PLAGL1: variants seen among roughly 807,000 people sequenced by gnomAD.
The protein encoded by PLAGL1 is PLAG1 like zinc finger 1.
A neutral mutation model predicts 4.6 loss-of-function variants in PLAGL1; 1 was observed. The observed-to-expected ratio is 0.22, with a 90% CI of 0.08 to 1.03. PLAGL1 has a LOEUF of 1.03. PLAGL1 is among the 50% of genes least tolerant of loss of function. PLAGL1 has a pLI of 0.58. For synonymous variants in PLAGL1, 240 were observed against 237.8 expected, an observed-to-expected ratio of 1.01 and a Z score of -0.08; for missense variants, 464 against 570.4, an observed-to-expected ratio of 0.81 and a Z score of 1.90.
At chr6:144,060,898 A>G (rs989499504) in intron 1 of PLAGL1, among the ~76,000 whole-genome samples, 1 of 152,242 alleles carries the variant, frequency 6.6e-6, no homozygotes, top group Non-Finnish European at 1.5e-5. Context: ...GCTAAACAAT[A>G]AAGCTGACTA....
intron 1 of PLAGL1, among the ~76,000 whole-genome samples, chr6:144,025,449 T>C (rs936285174): frequency 1.3e-5 from 2 of 152,230 alleles, no homozygotes; most frequent in Admixed American, 1.3e-4. Flanking sequence ...TCACTATTGG[T>C]TCATTAATTG....
At chr6:144,042,869 C>A (rs1797846219) in intron 1 of PLAGL1, among the ~76,000 whole-genome samples, 1 of 152,172 alleles carries the variant, frequency 6.6e-6, no homozygotes, top group Non-Finnish European at 1.5e-5. Flanking sequence ...GTTTATAGTT[C>A]TCCTTGAAGA....
At position 143,950,579 on chromosome 6, in the gene PLAGL1, A is replaced by T. The variant is rs117784574; in HGVS notation, c.-324-2119T>A. Among the ~76,000 whole-genome samples, 130 of 152,356 alleles carry T rather than the reference A, an allele frequency of 8.5e-4. 4 individuals are homozygous for T. In the East Asian group the frequency reaches 0.024, roughly 28 times the overall value. Reference sequence around the variant, plus strand: ...TAAAAAAGACTAACACACACAGAGTATGAAGTTTGAAAATGCATCTTTTTC... The same window carrying T: ...TAAAAAAGACTAACACACACAGAGTTTGAAGTTTGAAAATGCATCTTTTTC... On this transcript the variant is annotated intron_variant, in intron 6 of 7. Coordinates refer to ENST00000674357, the MANE Select transcript of PLAGL1 (RefSeq NM_001317162.2). The surrounding 1 kb of genome is among the most constrained non-coding windows in gnomAD (Gnocchi z 6.3).
At position 144,022,652 on chromosome 6, in the gene PLAGL1, G is replaced by T. The variant is rs1276120297; in HGVS notation, c.-151+41816C>A. 1.3e-5 allele frequency among the ~76,000 whole-genome samples: 2 copies of T among 152,158 alleles called. No individual in the cohort carries two copies. The highest frequency in any genetic ancestry group is 2.9e-5 in the Non-Finnish European group (2 of 68,026). Reference sequence around the variant, plus strand: ...TCACAATAGTGAATAAGTTTCACCAGATCTGATGGTTTTATGAAAGGGAGT... The same window carrying T: ...TCACAATAGTGAATAAGTTTCACCATATCTGATGGTTTTATGAAAGGGAGT... On this transcript the variant is annotated intron_variant, in intron 1 of 3. Transcript: ENST00000437412. The surrounding 1 kb of genome is among the most constrained non-coding windows in gnomAD (Gnocchi z 4.2).
rs540745581 is a variant in PLAGL1, at chr6:144,045,702, T to C, written c.-151+18766A>G. 4.6e-5 allele frequency among the ~76,000 whole-genome samples: 7 copies of C among 152,306 alleles called. No individual in the cohort carries two copies. The East Asian group carries it at 1.2e-3, about 25-fold the overall frequency. On this transcript the variant is annotated intron_variant, in intron 1 of 3. Transcript: ENST00000437412. The stretch of plus-strand genomic sequence containing the variant: ...CTTCTCAAGGAGTATCTTTGTGGTG[T>C]TCTCTGTATTTCCTGAATTTGAATG...
rs1471446257 is a variant in PLAGL1 at position 144,027,283 on chromosome 6, G to T, written c.-151+37185C>A. 6.8e-6 allele frequency among the ~76,000 whole-genome samples: 1 copy of T among 146,058 alleles called. No individual in the cohort carries two copies. The highest frequency in any genetic ancestry group is 1.5e-5 in the Non-Finnish European group (1 of 65,844). On this transcript the variant is annotated intron_variant, in intron 1 of 3. Transcript: ENST00000437412. This position sits in a 1 kb window ranked among gnomAD's most constrained non-coding sequence, Gnocchi z 5.8. ...AGAAAGAAAGAAAGAAAGAAAGAAAGAAAGAAAGAAAGTTATTTGATCTGA... is the reference window on the plus strand; with the variant it reads ...AGAAAGAAAGAAAGAAAGAAAGAAATAAAGAAAGAAAGTTATTTGATCTGA...
At chr6:143,967,507 C>T (rs1240828113) in intron 3 of PLAGL1, 1 of 152,144 alleles carries the variant, frequency 6.6e-6, no homozygotes, top group Non-Finnish European at 1.5e-5. Flanking sequence ...CCTGTGCTTT[C>T]ACATTTTCTC....
chr6:144,044,245 C>A (rs1417644445), intron 1 of PLAGL1, among the ~76,000 whole-genome samples: 1 of 152,120 alleles, frequency 6.6e-6, no homozygotes, highest in Admixed American at 6.6e-5. Context: ...GCTCTTGCTT[C>A]TCTAATTCTT....
At chr6:143,998,177 G>C (rs2128647871) in intron 1 of PLAGL1, among the ~76,000 whole-genome samples, 1 of 152,276 alleles carries the variant, frequency 6.6e-6, no homozygotes, top group South Asian at 2.1e-4. Flanking sequence ...AAAGTCCAAA[G>C]AAAATAGGAG....
chr6:144,029,675 ATC>A (rs1796654652), intron 1 of PLAGL1, among the ~76,000 whole-genome samples: 1 of 152,250 alleles, frequency 6.6e-6, no homozygotes, highest in Non-Finnish European at 1.5e-5. Context: ...AGGCACTCTC[ATC>A]TCTCACATAT....
In PLAGL1 at chr6:143,961,902, A is replaced by T. The variant is rs551019686; in HGVS notation, c.-398-1360T>A. On this transcript the variant is annotated intron_variant, in intron 5 of 7. Transcript: ENST00000674357. This position sits in a 1 kb window ranked among gnomAD's most constrained non-coding sequence, Gnocchi z 6.5. Reference sequence around the variant, plus strand: ...GGAAAGGGTGCACATAACGTGAGGTACGCAAACCAGGCAGTGAAGTAGCTT... The same window carrying T: ...GGAAAGGGTGCACATAACGTGAGGTTCGCAAACCAGGCAGTGAAGTAGCTT... Among the ~76,000 whole-genome samples, 56 of 152,372 alleles carry T rather than the reference A, an allele frequency of 3.7e-4. No homozygotes were observed. The highest frequency in any genetic ancestry group is 1.2e-3 in the African/African-American group (50 of 41,584).
rs776753534 is a variant in PLAGL1, at chr6:143,942,076, G to C, written c.740C>G (p.Ser247Cys). The C allele has an allele frequency of 4.3e-6, 7 of 1,613,620 alleles. No individual in the cohort carries two copies. The highest frequency in any genetic ancestry group is 5.9e-6 in the Non-Finnish European group (7 of 1,179,796). The change falls in exon 8 of 8, where the codon TCT becomes TGT. Residue 247 changes from serine to cysteine, a missense_variant. Transcript: ENST00000674357. This position sits in a 1 kb window ranked among gnomAD's most constrained non-coding sequence, Gnocchi z 7.6. ...AALPPFPLGA[S>C]AQNGLASSLP... ...GCTACTTGCAAGCCCGTTCTGGGCA[G>C]AAGCTCCTAAAGGGAAAGGAGGCAA...
intron 1 of PLAGL1, among the ~76,000 whole-genome samples, chr6:144,058,537 G>C (rs2128730244): frequency 6.6e-6 from 1 of 152,128 alleles, no homozygotes; most frequent in East Asian, 1.9e-4. Flanking sequence ...CCAACATCAA[G>C]TCCAAAGCCC....
Position 143,981,662 on chromosome 6 carries a change from C to T in PLAGL1, c.-544+3473G>A, listed in dbSNP as rs570288635. On this transcript the variant is annotated intron_variant, in intron 2 of 7. Coordinates refer to ENST00000674357, the MANE Select transcript of PLAGL1 (RefSeq NM_001317162.2). ...TGTTTTATGGGCTTTTTGTGTGTGTCGGTTTGTTAGGCTATTTTAGGCGAG... is the reference window on the plus strand; with the variant it reads ...TGTTTTATGGGCTTTTTGTGTGTGTTGGTTTGTTAGGCTATTTTAGGCGAG... 7.2e-5 allele frequency among the ~76,000 whole-genome samples: 11 copies of T among 152,084 alleles called. No individual in the cohort carries two copies. In the South Asian group the frequency reaches 1.9e-3, roughly 26 times the overall value.
At position 143,997,457 on chromosome 6, in the gene PLAGL1, T is replaced by A. The variant is rs925135202; in HGVS notation, c.-584+10633A>T. Among the ~76,000 whole-genome samples, 2 of 152,192 alleles carry A rather than the reference T, an allele frequency of 1.3e-5. No individual in the cohort carries two copies. Among genetic ancestry groups the A allele is most frequent in the Non-Finnish European group, 2.9e-5 (2 of 68,038 alleles). On this transcript the variant is annotated intron_variant, in intron 1 of 7. Coordinates refer to ENST00000674357, the MANE Select transcript of PLAGL1 (RefSeq NM_001317162.2). The surrounding 1 kb of genome is among the most constrained non-coding windows in gnomAD (Gnocchi z 4.6). ...CAGAAAAAATACAAAAAGAACTACCTATTGATAGATGCATCAACACAGATG... is the reference window on the plus strand; with the variant it reads ...CAGAAAAAATACAAAAAGAACTACCAATTGATAGATGCATCAACACAGATG...
In PLAGL1 at chr6:144,027,234, C is replaced by CGAACGAACGAAAGAAA. The variant is rs1263928332; in HGVS notation, c.-151+37233_-151+37234insTTTCTTTCGTTCGTTC. On this transcript the variant is annotated intron_variant, in intron 1 of 3. Coordinates refer to the PLAGL1 transcript ENST00000437412. The surrounding 1 kb of genome is among the most constrained non-coding windows in gnomAD (Gnocchi z 5.8). ...GAAAGACCCCAACTCAAAGAACGAA[C>CGAACGAACGAAAGAAA]GAAAGAAAGAAAGAAAGAAAGAAAG... Among the ~76,000 whole-genome samples the CGAACGAACGAAAGAAA allele has an allele frequency of 9.0e-6, 1 of 111,550 alleles. No homozygotes were observed. Among genetic ancestry groups the CGAACGAACGAAAGAAA allele is most frequent in the East Asian group, 2.4e-4 (1 of 4,232 alleles). The allele number at this position is 111,550 out of a possible 152,430, so 73.2% of individuals were successfully genotyped here.
At position 143,995,737 on chromosome 6, in the gene PLAGL1, C is replaced by A. The variant is rs1288255271; in HGVS notation, c.-583-10563G>T. Among the ~76,000 whole-genome samples the A allele has an allele frequency of 6.6e-6, 1 of 151,754 alleles. No homozygotes were observed. Among genetic ancestry groups the A allele is most frequent in the African/African-American group, 2.4e-5 (1 of 41,322 alleles). On this transcript the variant is annotated intron_variant, in intron 1 of 7. Transcript: ENST00000674357. The surrounding 1 kb of genome is among the most constrained non-coding windows in gnomAD (Gnocchi z 4.4). ...TGAAGACTAAAGGAAGAAAGATCACCCTTTCTACATGTTTCATAATATATT... is the reference window on the plus strand; with the variant it reads ...TGAAGACTAAAGGAAGAAAGATCACACTTTCTACATGTTTCATAATATATT...
intron 1 of PLAGL1, among the ~76,000 whole-genome samples, chr6:144,026,741 G>A (rs188116212): frequency 6.6e-6 from 1 of 152,270 alleles, no homozygotes; most frequent in East Asian, 1.9e-4. Context: ...ACACAGTACT[G>A]CTCAAGATCT....
rs962882907 is a variant in PLAGL1 at position 143,978,274 on chromosome 6, T to C, written c.-544+6861A>G. On this transcript the variant is annotated intron_variant, in intron 2 of 7. Coordinates refer to ENST00000674357, the MANE Select transcript of PLAGL1 (RefSeq NM_001317162.2). This position sits in a 1 kb window ranked among gnomAD's most constrained non-coding sequence, Gnocchi z 4.6. The stretch of plus-strand genomic sequence containing the variant: ...TTCCAAAGGTGGAAACTGAGGTTAT[T>C]GATTTTAGGTTCTTTTTCTTTTCTA... Among the ~76,000 whole-genome samples, 1 of 152,184 alleles carries C rather than the reference T, an allele frequency of 6.6e-6. No homozygotes were observed. The highest frequency in any genetic ancestry group is 2.4e-5 in the African/African-American group (1 of 41,454).
Sources: allele counts gnomAD v4.1 joint callset (sites outside exome capture counted in the v4.1 genomes callset), GRCh38; gene constraint gnomAD v4.1.1; non-coding constraint Gnocchi (gnomAD v3.1); transcripts MANE v1.5; gene names NCBI Gene and HGNC (gene_info 2026-07-23, HGNC 2026-07-21).